NRG1: variants seen among roughly 807,000 people sequenced by gnomAD.
The protein encoded by NRG1 is pro-neuregulin-1, membrane-bound isoform.
Under a neutral mutation model 63.8 loss-of-function variants are expected in NRG1, and 18 were observed. The observed-to-expected ratio is 0.28, with a 90% CI of 0.19 to 0.42. The LOEUF is 0.42. NRG1 is among the 10% of genes least tolerant of loss of function. NRG1 has a pLI of 1.00. For missense variants in NRG1, 762 were observed against 814.7 expected, an observed-to-expected ratio of 0.94 and a Z score of 0.79; for synonymous variants, 302 against 301.3, an observed-to-expected ratio of 1.00 and a Z score of -0.02.
chr8:31,832,019 C>T (rs1370717619), intron 1 of NRG1, among the ~76,000 whole-genome samples: 1 of 152,180 alleles, frequency 6.6e-6, no homozygotes, highest in Non-Finnish European at 1.5e-5. Context: ...CGTCTGTACA[C>T]ACCTGCCTTT....
intron 1 of NRG1, among the ~76,000 whole-genome samples, chr8:32,532,207 C>T (rs1031311655): frequency 3.3e-5 from 5 of 152,128 alleles, no homozygotes; most frequent in Non-Finnish European, 7.4e-5. Context: ...CTTGTGTTTA[C>T]CAAAGTAAAG....
intron 5 of NRG1, among the ~76,000 whole-genome samples, chr8:32,665,151 A>G (rs1344913291): frequency 6.6e-6 from 1 of 152,122 alleles, no homozygotes; most frequent in Non-Finnish European, 1.5e-5. Flanking sequence ...GGCACTGGTA[A>G]TTTATGTACT....
At chr8:32,038,132 T>C (rs949379164) in intron 1 of NRG1, among the ~76,000 whole-genome samples, 1 of 152,220 alleles carries the variant, frequency 6.6e-6, no homozygotes, top group Non-Finnish European at 1.5e-5. Flanking sequence ...CTTGGTGGTG[T>C]GGGCTCACAA....
At chr8:32,454,893 C>T (rs1346178853) in intron 1 of NRG1, among the ~76,000 whole-genome samples, 2 of 152,112 alleles carry the variant, frequency 1.3e-5, no homozygotes, top group South Asian at 2.1e-4. Context: ...ACATGTATAA[C>T]ATTTTTTTGT....
chr8:32,751,744 C>T (rs1294634579), intron 7 of NRG1, among the ~76,000 whole-genome samples: 1 of 152,146 alleles, frequency 6.6e-6, no homozygotes, highest in Non-Finnish European at 1.5e-5. Context: ...TACTGAGCTA[C>T]CTCTTTATTT....
chr8:32,011,577 A>T (rs530541940), intron 1 of NRG1, among the ~76,000 whole-genome samples: 120 of 152,204 alleles, frequency 7.9e-4, no homozygotes, highest in Non-Finnish European at 9.0e-4. Flanking sequence ...TTTGGTCAAA[A>T]AATTGTACCT....
intron 5 of NRG1, among the ~76,000 whole-genome samples, chr8:32,642,581 A>T (rs1852634583): frequency 6.6e-6 from 1 of 152,100 alleles, no homozygotes; most frequent in Non-Finnish European, 1.5e-5. Context: ...ACTTCAGGAC[A>T]TGGAGCTTTC....
chr8:32,111,190 C>T (rs1055864870), intron 1 of NRG1, among the ~76,000 whole-genome samples: 1 of 152,114 alleles, frequency 6.6e-6, no homozygotes, highest in Non-Finnish European at 1.5e-5. Context: ...GCTCTTGGCT[C>T]ACTGCAACCT....
rs990145075 is a variant in NRG1, at chr8:32,305,072, T to G, written c.38-290756T>G. 3.3e-5 allele frequency among the ~76,000 whole-genome samples: 5 copies of G among 152,210 alleles called. 1 individual carries two copies. The highest frequency in any genetic ancestry group is 7.4e-5 in the Non-Finnish European group (5 of 68,002). ...AAATATTATTGATTAAAGATAAGAA[T>G]GAATTAGTTTTGTCACTAATTTCAT... On this transcript the variant is annotated intron_variant, in intron 1 of 10. Coordinates refer to the NRG1 transcript ENST00000519301.
At chr8:32,182,951 G>C (rs1456673884) in intron 1 of NRG1, among the ~76,000 whole-genome samples, 1 of 152,146 alleles carries the variant, frequency 6.6e-6, no homozygotes. Context: ...CAAGGAAATG[G>C]GGAGAGAAAA....
At chr8:32,027,937 A>C (rs1215294330) in intron 1 of NRG1, among the ~76,000 whole-genome samples, 3 of 152,204 alleles carry the variant, frequency 2.0e-5, no homozygotes, top group Non-Finnish European at 4.4e-5. Flanking sequence ...AAAGCTACAA[A>C]TTACAGTGGC....
downstream of NRG1, among the ~76,000 whole-genome samples, chr8:32,768,921 T>C (rs765603986): frequency 3.3e-5 from 5 of 152,188 alleles, no homozygotes; most frequent in African/African-American, 7.2e-5. Context: ...TTCCAAACAC[T>C]CTGGATGTCC....
intron 1 of NRG1, among the ~76,000 whole-genome samples, chr8:31,734,109 A>G (rs1447793572): frequency 1.3e-5 from 2 of 152,038 alleles, no homozygotes; most frequent in African/African-American, 4.8e-5. Flanking sequence ...AGAGGATTGC[A>G]TGAGGTCAGG....
intron 7 of NRG1, chr8:32,748,589 T>C: frequency 2.6e-6 from 1 of 388,152 alleles, no homozygotes; most frequent in Admixed American, 3.2e-5. Flanking sequence ...GAGTCCCAGC[T>C]GCCAGGATTG....
At chr8:32,270,464 G>C (rs890310968) in intron 1 of NRG1, among the ~76,000 whole-genome samples, 4 of 152,158 alleles carry the variant, frequency 2.6e-5, no homozygotes, top group African/African-American at 9.7e-5. Context: ...AAGTAAATAA[G>C]CTCTTTAATA....
intron 1 of NRG1, among the ~76,000 whole-genome samples, chr8:31,695,001 G>T (rs568206896): frequency 1.3e-5 from 2 of 152,144 alleles, no homozygotes; most frequent in African/African-American, 2.4e-5. Flanking sequence ...AGTAATTTAC[G>T]AAGCAAAGAG....
chr8:32,375,027 G>A (rs117300232), intron 1 of NRG1, among the ~76,000 whole-genome samples: 24 of 152,264 alleles, frequency 1.6e-4, no homozygotes, highest in Non-Finnish European at 2.9e-4. Context: ...CTGTCACCCA[G>A]GCTGGAGTGC....
At chr8:32,095,918 T>G (rs1312757006) in intron 1 of NRG1, among the ~76,000 whole-genome samples, 1 of 152,122 alleles carries the variant, frequency 6.6e-6, no homozygotes, top group Non-Finnish European at 1.5e-5. Context: ...GGTAATGTGA[T>G]AGAAAGTGGC....
chr8:31,649,673 C>T (rs966202829), intron 1 of NRG1, among the ~76,000 whole-genome samples: 5 of 151,848 alleles, frequency 3.3e-5, no homozygotes, highest in Non-Finnish European at 5.9e-5. Context: ...GAGTAAGCTT[C>T]GATTTAAAGA....
Sources: gnomAD v4.1 joint callset for allele counts (sites outside exome capture counted in the v4.1 genomes callset) on GRCh38, gnomAD v4.1.1 for gene constraint, MANE v1.5 for transcripts, NCBI Gene and HGNC (gene_info 2026-07-23, HGNC 2026-07-21) for gene names.